SLCO1A2: variants seen among roughly 807,000 people sequenced by gnomAD.
The protein encoded by SLCO1A2 is solute carrier organic anion transporter family member 1A2.
SLCO1A2 carries 67 observed loss-of-function variants against 69.0 expected under a neutral mutation model. That is an observed-to-expected ratio of 0.97 (90% confidence interval 0.80 to 1.19). The LOEUF (loss-of-function observed/expected upper bound fraction) is 1.19. SLCO1A2 is among the 50% of genes most tolerant of loss of function. The pLI, the probability that SLCO1A2 is intolerant of heterozygous loss-of-function variation, is 0.00. For missense variants in SLCO1A2, 787 were observed against 793.7 expected (o/e 0.99, Z 0.10); for synonymous variants, 260 against 265.9 (o/e 0.98, Z 0.22).
At chr12:21,326,337 C>CT (rs1435950935) in intron 2 of SLCO1A2, among the ~76,000 whole-genome samples, 1 of 152,100 alleles carries the variant, frequency 6.6e-6, no homozygotes, top group Non-Finnish European at 1.5e-5. Flanking sequence ...TGGAGTGCTG[C>CT]TGTAAAGATA....
chr12:21,317,267 C>A (rs112214775), intron 3 of SLCO1A2, among the ~76,000 whole-genome samples: 3,085 of 152,226 alleles, frequency 0.02, 86 homozygotes, highest in African/African-American at 0.068. Flanking sequence ...CTCACCCCTG[C>A]CCATTTCTGC....
intron 2 of SLCO1A2, among the ~76,000 whole-genome samples, chr12:21,345,188 CTTCTGACG>C (rs1177923191): frequency 6.6e-6 from 1 of 151,886 alleles, no homozygotes; most frequent in East Asian, 1.9e-4. Context: ...TTTTTTTACA[CTTCTGACG>C]TTTATGGTGC....
chr12:21,323,109 A>G (rs568065066), intron 2 of SLCO1A2, among the ~76,000 whole-genome samples: 12 of 152,302 alleles, frequency 7.9e-5, no homozygotes, highest in African/African-American at 2.6e-4. Context: ...AATTTTTTTC[A>G]GTAAAAAGTC....
chr12:21,291,961 A>G (rs1946926806), intron 12 of SLCO1A2, among the ~76,000 whole-genome samples: 1 of 152,186 alleles, frequency 6.6e-6, no homozygotes, highest in Non-Finnish European at 1.5e-5. Flanking sequence ...AGCGAGGAAT[A>G]GGAGTGAAAT....
At chr12:21,406,940 T>C (rs1941831949) in intron 1 of SLCO1A2, among the ~76,000 whole-genome samples, 1 of 152,204 alleles carries the variant, frequency 6.6e-6, no homozygotes, top group Non-Finnish European at 1.5e-5. Context: ...ATATATCCCA[T>C]CTTTTCTCAA....
intron 2 of SLCO1A2, among the ~76,000 whole-genome samples, chr12:21,365,068 A>C (rs2137063941): frequency 6.6e-6 from 1 of 152,330 alleles, no homozygotes; most frequent in African/African-American, 2.4e-5. Flanking sequence ...TATGGAACCA[A>C]AAAAGAGCTC....
At chr12:21,304,347 G>C in intron 6 of SLCO1A2, 80 bp downstream of exon 6, 3 of 1,176,076 alleles carry the variant, frequency 2.6e-6, no homozygotes, top group Non-Finnish European at 3.7e-6. Flanking sequence ...AAATCACTAA[G>C]ACTACAAAAA....
chr12:21,310,689 G>A (rs967667662), intron 4 of SLCO1A2, among the ~76,000 whole-genome samples: 5 of 152,182 alleles, frequency 3.3e-5, no homozygotes, highest in Non-Finnish European at 7.4e-5. Flanking sequence ...TGCAAGCTCT[G>A]CCTCCCGGGT....
chr12:21,304,138 T>A (rs1425129189), intron 6 of SLCO1A2, among the ~76,000 whole-genome samples: 1 of 152,126 alleles, frequency 6.6e-6, no homozygotes, highest in Non-Finnish European at 1.5e-5. Flanking sequence ...CATTTGCAAA[T>A]CTCTTAACAG....
intron 2 of SLCO1A2, among the ~76,000 whole-genome samples, chr12:21,322,868 T>C (rs1250781723): frequency 6.6e-6 from 1 of 152,160 alleles, no homozygotes; most frequent in African/African-American, 2.4e-5. Context: ...TTATTTTTGC[T>C]TTACATTCTC....
intron 2 of SLCO1A2, among the ~76,000 whole-genome samples, chr12:21,353,866 C>T (rs1938157005): frequency 1.3e-5 from 2 of 152,304 alleles, no homozygotes; most frequent in South Asian, 4.1e-4. Flanking sequence ...TTTACCTTCC[C>T]TAGAACTTCA....
At chr12:21,274,783 G>T in intron 13 of SLCO1A2, 197 bp from the exon 14 acceptor site, 1 of 675,666 alleles carries the variant, frequency 1.5e-6, no homozygotes, top group Non-Finnish European at 2.3e-6. Context: ...TAATCTTATG[G>T]TCAAATGCAA....
intron 2 of SLCO1A2, among the ~76,000 whole-genome samples, chr12:21,362,433 C>T (rs1938986087): frequency 6.6e-6 from 1 of 152,124 alleles, no homozygotes; most frequent in South Asian, 2.1e-4. Context: ...CGGTACGAGC[C>T]ACTGCAAAAA....
At chr12:21,305,598 A>G (rs1346300986) in intron 5 of SLCO1A2, among the ~76,000 whole-genome samples, 4 of 152,234 alleles carry the variant, frequency 2.6e-5, no homozygotes, top group African/African-American at 9.6e-5. Flanking sequence ...GAAAGCATCA[A>G]TCCACCTTCC....
At chr12:21,341,985 C>A (rs1953085002) in intron 2 of SLCO1A2, among the ~76,000 whole-genome samples, 1 of 151,974 alleles carries the variant, frequency 6.6e-6, no homozygotes, top group Non-Finnish European at 1.5e-5. Flanking sequence ...GCATATGACT[C>A]ACCTATCCTT....
chr12:21,361,089 C>T (rs777822361), intron 2 of SLCO1A2, among the ~76,000 whole-genome samples: 1 of 152,222 alleles, frequency 6.6e-6, no homozygotes, highest in Admixed American at 6.5e-5. Context: ...ACTGCCTCCT[C>T]AAGTGGGTCC....
intron 6 of SLCO1A2, 30 bp from the exon 7 acceptor site, chr12:21,301,299 G>A: frequency 6.8e-7 from 1 of 1,480,896 alleles, no homozygotes; most frequent in Non-Finnish European, 9.3e-7. Context: ...TAAGGTTATA[G>A]TACAGTTATA....
chr12:21,308,349 TA>T (rs1175157457), intron 4 of SLCO1A2, among the ~76,000 whole-genome samples: 3 of 152,026 alleles, frequency 2.0e-5, no homozygotes, highest in Non-Finnish European at 4.4e-5. Context: ...GTCACTGAAA[TA>T]AAAGATATGA....
intron 2 of SLCO1A2, among the ~76,000 whole-genome samples, chr12:21,368,699 G>C (rs1468606942): frequency 6.6e-6 from 1 of 152,064 alleles, no homozygotes; most frequent in South Asian, 2.1e-4. Flanking sequence ...GGAATATAGA[G>C]TGAGCAAGAT....
Sources: allele counts gnomAD v4.1 joint callset (sites outside exome capture counted in the v4.1 genomes callset), GRCh38; gene constraint gnomAD v4.1.1; transcripts MANE v1.5; gene names NCBI Gene and HGNC (gene_info 2026-07-23, HGNC 2026-07-21).